The following TNS1 variants were observed in gnomAD, a reference collection of about 807,000 sequenced individuals.
TNS1 encodes tensin-1.
A neutral mutation model predicts 168.6 loss-of-function variants in TNS1; 62 were observed. The observed-to-expected ratio is 0.37, with a 90% CI of 0.30 to 0.45. TNS1 has a LOEUF of 0.45. TNS1 is among the 20% of genes least tolerant of loss of function. The probability of loss-of-function intolerance (pLI) is 1.00; values close to 1 mark genes in which losing one functional copy is unlikely to be tolerated. For synonymous variants in TNS1, 934 were observed against 933.2 expected (o/e 1.00, Z -0.02); for missense variants, 2,240 against 2,339.4 (o/e 0.96, Z 0.88).
chr2:217,973,521 T>G (rs907731602), intron 3 of TNS1, among the ~76,000 whole-genome samples: 1 of 152,122 alleles, frequency 6.6e-6, no homozygotes, highest in East Asian at 1.9e-4. Context: ...CTTCAGGAGA[T>G]GTAGAATGGG....
At chr2:217,884,058 A>G (rs1365103325) in intron 16 of TNS1, among the ~76,000 whole-genome samples, 1 of 138,930 alleles carries the variant, frequency 7.2e-6, no homozygotes, top group African/African-American at 2.7e-5. Context: ...GTAGGGCCTG[A>G]CTTCTTTCTG....
intron 14 of TNS1, 111 bp from the exon 15 acceptor site, chr2:217,885,930 ACT>A (rs1210665327): frequency 3.9e-6 from 6 of 1,553,528 alleles, no homozygotes; most frequent in East Asian, 2.2e-5. Context: ...AACCTCTCTG[ACT>A]CTGTCCTTTC....
intron 3 of TNS1, among the ~76,000 whole-genome samples, chr2:217,922,478 G>A (rs901375920): frequency 1.3e-5 from 2 of 152,098 alleles, no homozygotes; most frequent in Admixed American, 6.5e-5. Flanking sequence ...GCTGCCAGAG[G>A]ACGGGCTGAT....
In TNS1 at chr2:217,809,630, T is replaced by TGGATGGGTGCAC. The variant is rs797007571; in HGVS notation, c.5273+192_5273+193insGTGCACCCATCC. 7.3e-3 allele frequency: 1,877 copies of TGGATGGGTGCAC among 255,744 alleles called. 552 individuals are homozygous for TGGATGGGTGCAC. The highest frequency in any genetic ancestry group is 8.4e-3 in the Non-Finnish European group (1,216 of 145,390). The allele number at this position is 255,744 out of a possible 1,614,324, so 15.8% of individuals were successfully genotyped here. A position where few individuals can be genotyped will look rare whatever the true frequency, so the allele number is the denominator to read the frequency against. The stretch of plus-strand genomic sequence containing the variant: ...ATGGATGGGTGCATGGATGGGTGCA[T>TGGATGGGTGCAC]GGATGGGTGCATGGATGGATGGATG... On this transcript the variant is annotated intron_variant, in intron 30 of 32. Coordinates refer to ENST00000682258, the MANE Select transcript of TNS1 (RefSeq NM_001387777.1).
intron 3 of TNS1, chr2:217,936,942 G>T: frequency 2.2e-6 from 1 of 456,752 alleles, no homozygotes. Context: ...AGCAGAGCTG[G>T]GAGGGAGACC....
rs373722778 is a variant in TNS1 at position 217,814,946 on chromosome 2, C to T, written c.4695G>A (p.Lys1565=). The change falls in exon 25 of 33, where the codon AAG becomes AAA. Residue 1565 remains lysine, a synonymous_variant. Coordinates refer to ENST00000682258, the MANE Select transcript of TNS1 (RefSeq NM_001387777.1). ...TGGAGATCTCAGGCTTGTACCAATA[C>T]TTAGAAGTGTCCTGGACAAACTTCA... ...AKVKFVQDTS[K]YWYKPEISRE... The T allele has an allele frequency of 2.5e-6, 4 of 1,613,712 alleles. No individual in the cohort carries two copies. Among genetic ancestry groups the T allele is most frequent in the African/African-American group, 1.3e-5 (1 of 75,056 alleles).
At chr2:217,935,851 G>A (rs1042014188) in intron 3 of TNS1, among the ~76,000 whole-genome samples, 7 of 152,226 alleles carry the variant, frequency 4.6e-5, no homozygotes, top group Non-Finnish European at 8.8e-5. Context: ...GGCAGGTCAG[G>A]TAAGTTGTTC....
intron 3 of TNS1, among the ~76,000 whole-genome samples, chr2:217,920,999 G>A (rs1955651320): frequency 6.8e-6 from 1 of 146,946 alleles, no homozygotes; most frequent in Admixed American, 6.8e-5. Flanking sequence ...GAGGGAGAGG[G>A]AAGAGGAGAG....
chr2:217,906,885 G>A (rs1454203200), intron 5 of TNS1, among the ~76,000 whole-genome samples: 1 of 152,150 alleles, frequency 6.6e-6, no homozygotes, highest in African/African-American at 2.4e-5. Flanking sequence ...GGAAAGATCC[G>A]CCTGATTTTC....
chr2:218,020,181 T>C (rs749481088), intron 1 of TNS1, among the ~76,000 whole-genome samples: 6 of 152,102 alleles, frequency 3.9e-5, no homozygotes, highest in Non-Finnish European at 7.4e-5. Context: ...ATGTTCAGCA[T>C]TGTGCAGGAC....
chr2:217,853,961 G>C (rs937172681), intron 18 of TNS1, among the ~76,000 whole-genome samples: 1 of 152,188 alleles, frequency 6.6e-6, no homozygotes, highest in Non-Finnish European at 1.5e-5. Context: ...ACAAATAGGG[G>C]ATGTTAAAGT....
At chr2:217,945,193 C>T (rs1957072590) in intron 3 of TNS1, among the ~76,000 whole-genome samples, 2 of 152,206 alleles carry the variant, frequency 1.3e-5, no homozygotes, top group African/African-American at 4.8e-5. Flanking sequence ...GGGTCAGTGG[C>T]CTGCACCTCC....
intron 4 of TNS1, among the ~76,000 whole-genome samples, chr2:217,911,086 C>G (rs1954350682): frequency 6.6e-6 from 1 of 152,198 alleles, no homozygotes; most frequent in Non-Finnish European, 1.5e-5. Flanking sequence ...CAAACACAGA[C>G]AGACCCCTAT....
chr2:217,817,648 T>G, intron 24 of TNS1, 42 bp downstream of exon 24: 2 of 1,480,040 alleles, frequency 1.4e-6, no homozygotes, highest in Non-Finnish European at 9.2e-7. Context: ...TCTACTTACT[T>G]CATCAGCAGG....
intron 21 of TNS1, among the ~76,000 whole-genome samples, chr2:217,833,459 G>C (rs1354876599): frequency 6.6e-6 from 1 of 152,268 alleles, no homozygotes; most frequent in Non-Finnish European, 1.5e-5. Flanking sequence ...TTCTCACCGA[G>C]GTACCCATGG....
At chr2:218,028,663 G>A (rs1372222017) in intron 1 of TNS1, among the ~76,000 whole-genome samples, 1 of 152,220 alleles carries the variant, frequency 6.6e-6, no homozygotes, top group Non-Finnish European at 1.5e-5. Context: ...AGAGCTTGGG[G>A]TCTTCCATCC....
intron 6 of TNS1, chr2:217,903,655 A>T: frequency 2.0e-6 from 3 of 1,481,236 alleles, no homozygotes; most frequent in Non-Finnish European, 2.7e-6. Flanking sequence ...AGGAAATTCG[A>T]CAGCCTCCCA....
chr2:217,846,896 G>A (rs2125416139), intron 19 of TNS1, among the ~76,000 whole-genome samples: 1 of 152,326 alleles, frequency 6.6e-6, no homozygotes, highest in East Asian at 1.9e-4. Context: ...CTTAGAAGGG[G>A]AACCTTGGCC....
chr2:217,891,815 A>G (rs528923930), intron 11 of TNS1, among the ~76,000 whole-genome samples: 1 of 152,164 alleles, frequency 6.6e-6, no homozygotes, highest in South Asian at 2.1e-4. Context: ...CTCTTCTCTC[A>G]GTGTGCAGGG....
Sources: allele counts gnomAD v4.1 joint callset (sites outside exome capture counted in the v4.1 genomes callset), GRCh38; gene constraint gnomAD v4.1.1; transcripts MANE v1.5; gene names NCBI Gene and HGNC (gene_info 2026-07-23, HGNC 2026-07-21).